The following KIFAP3 variants were observed in gnomAD, a reference collection of about 807,000 sequenced individuals.
KIFAP3 encodes kinesin associated protein 3, also known as kinesin-associated protein 3.
A neutral mutation model predicts 106.5 loss-of-function variants in KIFAP3; 68 were observed. That is an observed-to-expected ratio of 0.64 (90% CI 0.53 to 0.78). The LOEUF is 0.78. KIFAP3 is among the 30% of genes least tolerant of loss of function. KIFAP3 has a pLI of 0.00. For missense variants in KIFAP3, 780 were observed against 941.8 expected (o/e 0.83, Z 2.25); for synonymous variants, 320 against 311.5 (o/e 1.03, Z -0.29).
At chr1:169,935,736 A>G (rs1009170902) in intron 19 of KIFAP3, among the ~76,000 whole-genome samples, 4 of 152,046 alleles carry the variant, frequency 2.6e-5, no homozygotes, top group Admixed American at 6.6e-5. Flanking sequence ...AAGAATCAAG[A>G]TAAATACACA....
chr1:169,984,003 T>C (rs1666659868), intron 12 of KIFAP3, among the ~76,000 whole-genome samples: 1 of 151,870 alleles, frequency 6.6e-6, no homozygotes, highest in South Asian at 2.1e-4. Context: ...ATATTACTAA[T>C]TTTAAAAGAA....
At chr1:170,007,944 G>T (rs1273221605) in intron 10 of KIFAP3, among the ~76,000 whole-genome samples, 1 of 152,162 alleles carries the variant, frequency 6.6e-6, no homozygotes, top group East Asian at 1.9e-4. Flanking sequence ...GAAGAGAACA[G>T]AGGCCTCAGA....
intron 1 of KIFAP3, among the ~76,000 whole-genome samples, chr1:170,081,940 A>C (rs993473713): frequency 1.3e-5 from 2 of 152,226 alleles, no homozygotes; most frequent in African/African-American, 4.8e-5. Context: ...ATTGTCAGAC[A>C]ATACCAATTG....
intron 11 of KIFAP3, among the ~76,000 whole-genome samples, chr1:169,987,698 G>C (rs144884586): frequency 1.0e-3 from 155 of 152,164 alleles, no homozygotes; most frequent in African/African-American, 3.2e-3. Flanking sequence ...AACTGTGGTG[G>C]AAAACATGTG....
At chr1:170,041,275 G>T (rs1669963544) in intron 3 of KIFAP3, among the ~76,000 whole-genome samples, 1 of 152,100 alleles carries the variant, frequency 6.6e-6, no homozygotes, top group Non-Finnish European at 1.5e-5. Flanking sequence ...TGACTAATTT[G>T]AAAAAATTCC....
At chr1:169,962,072 C>T (rs934340326) in intron 17 of KIFAP3, among the ~76,000 whole-genome samples, 1 of 152,092 alleles carries the variant, frequency 6.6e-6, no homozygotes, top group Non-Finnish European at 1.5e-5. Flanking sequence ...CTAGATAACA[C>T]TGGGGGAAGT....
At chr1:170,004,693 T>C (rs1303163853) in intron 10 of KIFAP3, among the ~76,000 whole-genome samples, 2 of 151,748 alleles carry the variant, frequency 1.3e-5, no homozygotes, top group Non-Finnish European at 2.9e-5. Flanking sequence ...TTACACCTTA[T>C]ACAAAAATTA....
At chr1:169,957,490 A>G (rs1665084528) in intron 18 of KIFAP3, among the ~76,000 whole-genome samples, 2 of 152,200 alleles carry the variant, frequency 1.3e-5, no homozygotes, top group South Asian at 2.1e-4. Context: ...TAATTTATCA[A>G]CCTTCTGATT....
chr1:170,024,063 C>T (rs1668989187), intron 9 of KIFAP3: 1 of 156,712 alleles, frequency 6.4e-6, no homozygotes, highest in Non-Finnish European at 1.4e-5. Context: ...ATTTTAATTC[C>T]ACAAACTAAA....
intron 8 of KIFAP3, among the ~76,000 whole-genome samples, chr1:170,028,316 T>TTA (rs1347045658): frequency 6.6e-6 from 1 of 151,930 alleles, no homozygotes; most frequent in South Asian, 2.1e-4. Flanking sequence ...TGATAATGTG[T>TTA]TATACAGTTT....
intron 10 of KIFAP3, among the ~76,000 whole-genome samples, chr1:169,995,453 G>A (rs546930727): frequency 6.6e-6 from 1 of 152,076 alleles, no homozygotes; most frequent in South Asian, 2.1e-4. Flanking sequence ...TTCAGCTGTG[G>A]ATAAGTCCTA....
chr1:169,973,046 T>A (rs1165780293), intron 16 of KIFAP3, among the ~76,000 whole-genome samples: 1 of 136,014 alleles, frequency 7.4e-6, no homozygotes, highest in Non-Finnish European at 1.6e-5. Context: ...CATTTTCACA[T>A]AAAAGAAAGC....
intron 10 of KIFAP3, among the ~76,000 whole-genome samples, chr1:169,992,683 G>T (rs2101935420): frequency 1.3e-5 from 2 of 152,012 alleles, no homozygotes; most frequent in South Asian, 4.2e-4. Context: ...TCATCCAAAT[G>T]ATGAAAGAAG....
At chr1:169,941,120 CT>C (rs929270747) in intron 19 of KIFAP3, among the ~76,000 whole-genome samples, 8 of 152,082 alleles carry the variant, frequency 5.3e-5, no homozygotes, top group African/African-American at 7.2e-5. Flanking sequence ...TCATCTTCAT[CT>C]TTTTTTCACA....
intron 17 of KIFAP3, among the ~76,000 whole-genome samples, chr1:169,963,824 C>T (rs1665466681): frequency 6.6e-6 from 1 of 152,074 alleles, no homozygotes; most frequent in South Asian, 2.1e-4. Context: ...TATCTATTAA[C>T]ATTTCTATTA....
chr1:170,025,881 T>C (rs144241999), intron 8 of KIFAP3, among the ~76,000 whole-genome samples: 2 of 152,342 alleles, frequency 1.3e-5, no homozygotes, highest in East Asian at 1.9e-4. Context: ...GGTTGAATAC[T>C]GTCCTTCTAA....
intron 19 of KIFAP3, among the ~76,000 whole-genome samples, chr1:169,937,997 T>A (rs517649): frequency 0.94 from 142,114 of 151,946 alleles, 66,547 homozygotes; most frequent in East Asian, 0.99. Context: ...ATTAATGAGA[T>A]ATTGAATACT....
intron 11 of KIFAP3, among the ~76,000 whole-genome samples, chr1:169,985,796 T>C (rs547765054): frequency 1.3e-5 from 2 of 151,018 alleles, no homozygotes; most frequent in Admixed American, 1.3e-4. Flanking sequence ...AGAAAGAGGG[T>C]CTGAAAAACA....
At chr1:170,028,837 G>A (rs969671200) in intron 8 of KIFAP3, among the ~76,000 whole-genome samples, 11 of 151,654 alleles carry the variant, frequency 7.3e-5, no homozygotes, top group Non-Finnish European at 1.5e-4. Context: ...AAACCTTAAA[G>A]CAATCAATAA....
Sources: allele counts gnomAD v4.1 joint callset (sites outside exome capture counted in the v4.1 genomes callset), GRCh38; gene constraint gnomAD v4.1.1; transcripts MANE v1.5; gene names NCBI Gene and HGNC (gene_info 2026-07-23, HGNC 2026-07-21).